The following RYR2 variants were observed in gnomAD, a reference collection of about 807,000 sequenced individuals.
RYR2 encodes the protein ryanodine receptor 2, also known as cardiac muscle ryanodine receptor-calcium release channel.
RYR2 carries 227 observed loss-of-function variants against 601.1 expected under a neutral mutation model. That is an observed-to-expected ratio of 0.38 (90% CI 0.34 to 0.42). The LOEUF is 0.42. Ranked by LOEUF, RYR2 falls within the 10% of genes least tolerant of loss-of-function variation. The pLI is 1.00. For synonymous variants in RYR2, 2,223 were observed against 2,175.1 expected (o/e 1.02, Z -0.61); for missense variants, 4,646 against 6,156.5 (o/e 0.75, Z 8.21).
At chr1:237,665,397 CAAAAAAAAAAAAA>C (rs71162408) in intron 56 of RYR2, among the ~76,000 whole-genome samples, 16 of 95,596 alleles carry the variant, frequency 1.7e-4, no homozygotes, top group African/African-American at 7.0e-4. Flanking sequence ...GACTCTGTCT[CAAAAAAAAAAAAA>C]AAAAAAAAAG....
At chr1:237,311,238 C>T (rs1345834240) in intron 2 of RYR2, among the ~76,000 whole-genome samples, 1 of 152,154 alleles carries the variant, frequency 6.6e-6, no homozygotes, top group African/African-American at 2.4e-5. Context: ...GCTGATATTT[C>T]TCCATTTTCT....
chr1:237,148,086 A>G (rs1674216162), intron 1 of RYR2, among the ~76,000 whole-genome samples: 1 of 152,194 alleles, frequency 6.6e-6, no homozygotes, highest in African/African-American at 2.4e-5. Context: ...GTCGTGTCAC[A>G]CATATATTAT....
chr1:237,341,070 A>G (rs1572657667), intron 3 of RYR2, among the ~76,000 whole-genome samples: 1 of 152,226 alleles, frequency 6.6e-6, no homozygotes, highest in African/African-American at 2.4e-5. Flanking sequence ...AAAGACGTCA[A>G]TTTAAGCAGG....
intron 1 of RYR2, among the ~76,000 whole-genome samples, chr1:237,138,361 G>A (rs1420430039): frequency 2.0e-5 from 3 of 152,096 alleles, no homozygotes; most frequent in Admixed American, 2.0e-4. Context: ...CACCCTGAAG[G>A]TGTTTTATTA....
intron 16 of RYR2, among the ~76,000 whole-genome samples, chr1:237,467,858 C>CT (rs199646421): frequency 0.052 from 6,417 of 123,584 alleles, 522 homozygotes; most frequent in African/African-American, 0.18. Context: ...ATTTTCTCTG[C>CT]TTTTTTTTTT....
chr1:237,400,052 AC>A (rs1703207806), intron 10 of RYR2, among the ~76,000 whole-genome samples: 1 of 152,084 alleles, frequency 6.6e-6, no homozygotes, highest in Non-Finnish European at 1.5e-5. Context: ...ACACACACAC[AC>A]ACACACACAA....
At chr1:237,124,733 A>G (rs1411519557) in intron 1 of RYR2, among the ~76,000 whole-genome samples, 1 of 152,148 alleles carries the variant, frequency 6.6e-6, no homozygotes, top group East Asian at 1.9e-4. Flanking sequence ...AGGGAAGGTA[A>G]CATTCACAGG....
At chr1:237,357,325 C>T (rs114498171) in intron 4 of RYR2, among the ~76,000 whole-genome samples, 48 of 152,290 alleles carry the variant, frequency 3.2e-4, no homozygotes, top group African/African-American at 1.2e-3. Flanking sequence ...TCTCAGAACA[C>T]GTATGACACC....
rs760965671 is a variant in RYR2 at position 237,707,014 on chromosome 1, G to A, written c.9646G>A (p.Glu3216Lys). 2 of 1,613,912 alleles carry A rather than the reference G, an allele frequency of 1.2e-6. No homozygotes were observed. Among genetic ancestry groups the A allele is most frequent in the East Asian group, 4.5e-5 (2 of 44,876 alleles). The change falls in exon 68 of 105, where the codon GAA (glutamate) becomes AAA (lysine). Residue 3216 changes from glutamate to lysine, a missense_variant. Physicochemically the swap from Glu to Lys is moderately conservative, Grantham distance 56 (BLOSUM62 1). Coordinates refer to ENST00000366574, the MANE Select transcript of RYR2 (RefSeq NM_001035.3). ...CATACCGTCTTTGGAGAAACTCATG[G>A]AAGAAATCGTGGAATTAGCCGAGTC... ...PNIPSLEKLM[E>K]EIVELAESGI...
chr1:237,224,663 G>A (rs1445154265), intron 1 of RYR2, among the ~76,000 whole-genome samples: 1 of 152,066 alleles, frequency 6.6e-6, no homozygotes, highest in East Asian at 1.9e-4. Context: ...ATCAAGACCA[G>A]CCTGTGCAAC....
chr1:237,610,809 C>A lies in RYR2; in HGVS notation c.4731C>A (p.Asn1577Lys), dbSNP rs1677763044. 2 of 1,611,028 alleles carry A rather than the reference C, an allele frequency of 1.2e-6. No individual in the cohort carries two copies. Among genetic ancestry groups the A allele is most frequent in the Non-Finnish European group, 1.7e-6 (2 of 1,178,892 alleles). ...GATTATTCAAGAGTGAGCACAAGAA[C>A]CCCGTGCCGCAGTGCCCCCCGCGCC... is the stretch of plus-strand genomic sequence containing the variant. Reference protein sequence around the residue: ...SAGLFKSEHKNPVPQCPPRLH... With the variant: ...SAGLFKSEHKKPVPQCPPRLH... The change falls in exon 36 of 105, where the codon AAC becomes AAA. Residue 1577 changes from asparagine (N) to lysine (K), a missense_variant. This residue lies in a region of RYR2 where 1,807 missense variants were observed against 2,088.1 expected (regional missense o/e 0.87). Coordinates refer to ENST00000366574, the MANE Select transcript of RYR2 (RefSeq NM_001035.3). This position sits in a 1 kb window ranked among gnomAD's most constrained non-coding sequence, Gnocchi z 4.9.
chr1:237,274,279 C>T (rs1690037230), intron 2 of RYR2, among the ~76,000 whole-genome samples: 1 of 151,008 alleles, frequency 6.6e-6, no homozygotes, highest in South Asian at 2.1e-4. Context: ...ACATATATGA[C>T]AGTGGTCCCA....
intron 12 of RYR2, among the ~76,000 whole-genome samples, chr1:237,430,140 T>G (rs1706646445): frequency 6.7e-6 from 1 of 150,148 alleles, no homozygotes; most frequent in African/African-American, 2.4e-5. Context: ...ATAACATATA[T>G]GACATCTATA....
At chr1:237,244,155 A>G (rs990995449) in intron 1 of RYR2, among the ~76,000 whole-genome samples, 1 of 152,216 alleles carries the variant, frequency 6.6e-6, no homozygotes, top group Non-Finnish European at 1.5e-5. Flanking sequence ...GCCAGTGTCC[A>G]TAGGGCTGTC....
chr1:237,697,175 A>G (rs772639436), intron 63 of RYR2, among the ~76,000 whole-genome samples: 6 of 124,640 alleles, frequency 4.8e-5, no homozygotes, highest in Non-Finnish European at 8.4e-5. Flanking sequence ...GAGCCTTTGC[A>G]TGGGCTCTTC....
chr1:237,750,196 C>A (rs549938497), intron 80 of RYR2, among the ~76,000 whole-genome samples: 1 of 151,928 alleles, frequency 6.6e-6, no homozygotes, highest in African/African-American at 2.4e-5. Context: ...TACATACATA[C>A]GTATCCCACC....
rs1668725476 is a variant in RYR2, at chr1:237,106,758, A to G, written c.48+64189A>G. 6.6e-6 allele frequency among the ~76,000 whole-genome samples: 1 copy of G among 152,158 alleles called. No individual in the cohort carries two copies. Among genetic ancestry groups the G allele is most frequent in the Non-Finnish European group, 1.5e-5 (1 of 68,040 alleles). ...TTAGAAACCACAGAAATTATTCCTC[A>G]CAGTTCTGGATGCTGGGAAGCCCAA... On this transcript the variant is annotated intron_variant, in intron 1 of 104. Coordinates refer to ENST00000366574, the MANE Select transcript of RYR2 (RefSeq NM_001035.3). This position sits in a 1 kb window ranked among gnomAD's most constrained non-coding sequence, Gnocchi z 4.4.
intron 71 of RYR2, among the ~76,000 whole-genome samples, chr1:237,714,558 C>A (rs1305665858): frequency 1.3e-5 from 2 of 152,108 alleles, no homozygotes; most frequent in East Asian, 3.9e-4. Context: ...GTCTTTCTTG[C>A]CATTTTCCTG....
In RYR2 at chr1:237,082,524, C is replaced by CATATATATATATATATATATATATATAT. The variant is rs71561856; in HGVS notation, c.48+39961_48+39988dup. ...TGTTATATTCTTTCAAATAGGAAAA[C>CATATATATATATATATATATATATATAT]ATATATATATATATATATATATATA... On this transcript the variant is annotated intron_variant, in intron 1 of 104. Transcript: ENST00000366574. Among the ~76,000 whole-genome samples, 33 of 79,976 alleles carry CATATATATATATATATATATATATATAT rather than the reference C, an allele frequency of 4.1e-4. 1 individual carries two copies. The highest frequency in any genetic ancestry group is 1.0e-3 in the South Asian group (2 of 1,930). 52.5% of individuals were successfully genotyped at this position (79,976 alleles called of 152,430 possible). A position where few individuals can be genotyped will look rare whatever the true frequency, so the allele number is the denominator to read the frequency against.
Sources: gnomAD v4.1 joint callset for allele counts (sites outside exome capture counted in the v4.1 genomes callset) on GRCh38, gnomAD v4.1.1 for gene constraint, gnomAD v4.1.1 regional missense constraint, Gnocchi (gnomAD v3.1) non-coding constraint, MANE v1.5 for transcripts, NCBI Gene and HGNC (gene_info 2026-07-23, HGNC 2026-07-21) for gene names.